The following KDM2B variants were observed in gnomAD, a reference collection of about 807,000 sequenced individuals.
KDM2B encodes the protein lysine demethylase 2B, also known as lysine-specific demethylase 2B.
A neutral mutation model predicts 150.0 loss-of-function variants in KDM2B; 26 were observed. The ratio of observed to expected loss-of-function variants is 0.17; its 90% CI spans 0.13 to 0.24. The LOEUF (loss-of-function observed/expected upper bound fraction) is 0.24. KDM2B is among the 10% of genes least tolerant of loss of function. The probability of loss-of-function intolerance (pLI) is 1.00; values close to 1 mark genes in which losing one functional copy is unlikely to be tolerated. For synonymous variants in KDM2B, 734 were observed against 729.5 expected (o/e 1.01, Z -0.10); for missense variants, 1,265 against 1,816.9 (o/e 0.70, Z 5.52).
downstream of KDM2B, among the ~76,000 whole-genome samples, chr12:121,425,769 CT>C (rs111588236): frequency 2.8e-3 from 390 of 141,682 alleles, 1 homozygote; most frequent in Non-Finnish European, 2.7e-3. Flanking sequence ...TTTGTCTAAA[CT>C]TTTTTTTTTT....
At chr12:121,457,463 T>C (rs1555293015) in intron 12 of KDM2B, among the ~76,000 whole-genome samples, 2 of 152,002 alleles carry the variant, frequency 1.3e-5, no homozygotes, top group East Asian at 1.9e-4. Flanking sequence ...CATTTCGTCA[T>C]GTTGGCCAGG....
intron 4 of KDM2B, among the ~76,000 whole-genome samples, chr12:121,551,075 G>C (rs1555311722): frequency 1.3e-5 from 2 of 152,122 alleles, no homozygotes; most frequent in African/African-American, 4.8e-5. Context: ...ACTTAACAGA[G>C]AAAGTTTGCT....
chr12:121,432,352 A>G (rs1555285774), intron 22 of KDM2B, among the ~76,000 whole-genome samples: 1 of 152,202 alleles, frequency 6.6e-6, no homozygotes, highest in Non-Finnish European at 1.5e-5. Context: ...CCAAAACTCA[A>G]TACTTGATTC....
intron 6 of KDM2B, among the ~76,000 whole-genome samples, chr12:121,542,460 C>A (rs1555309915): frequency 6.6e-6 from 1 of 152,242 alleles, no homozygotes; most frequent in African/African-American, 2.4e-5. Context: ...CTAACACAAG[C>A]TTATAAGAGA....
intron 4 of KDM2B, among the ~76,000 whole-genome samples, chr12:121,565,273 C>A (rs549654856): frequency 6.6e-6 from 1 of 152,174 alleles, no homozygotes; most frequent in African/African-American, 2.4e-5. Context: ...ATGGAGTCAC[C>A]TCATTTATGA....
At chr12:121,546,296 C>G (rs951683553) in intron 6 of KDM2B, among the ~76,000 whole-genome samples, 15 of 151,520 alleles carry the variant, frequency 9.9e-5, no homozygotes, top group Non-Finnish European at 1.8e-4. Context: ...TCATCTGCCT[C>G]TAACTAATAA....
the KDM2B span, among the ~76,000 whole-genome samples, chr12:121,410,493 C>T: frequency 1.3e-5 from 2 of 150,862 alleles, no homozygotes; most frequent in Non-Finnish European, 2.9e-5. Context: ...GCCGAGATTG[C>T]GCCACTGCAT....
intron 12 of KDM2B, among the ~76,000 whole-genome samples, chr12:121,461,221 CAA>C (rs1289642550): frequency 3.3e-5 from 5 of 152,086 alleles, no homozygotes; most frequent in African/African-American, 1.2e-4. Context: ...GAAGGAAGAA[CAA>C]GAGAGAGATG....
chr12:121,451,331 T>C (rs528221121), intron 13 of KDM2B, among the ~76,000 whole-genome samples: 5 of 152,328 alleles, frequency 3.3e-5, no homozygotes, highest in South Asian at 4.1e-4. Flanking sequence ...ATAATACATA[T>C]AAGATATGTG....
chr12:121,561,507 T>C (rs1890337232), intron 4 of KDM2B, among the ~76,000 whole-genome samples: 1 of 152,176 alleles, frequency 6.6e-6, no homozygotes, highest in African/African-American at 2.4e-5. Context: ...GTGCTGGGGT[T>C]ACAGGGGTGC....
intron 4 of KDM2B, among the ~76,000 whole-genome samples, chr12:121,555,318 A>T (rs2142141657): frequency 6.6e-6 from 1 of 152,332 alleles, no homozygotes; most frequent in African/African-American, 2.4e-5. Flanking sequence ...TGAAAATGTT[A>T]TTTATTTTGC....
Position 121,534,492 on chromosome 12 carries a change from C to T in KDM2B, c.777+5G>A. ...CATAGAAAGTTAAAGGCAACTGAAA[C>T]TCACCTTCCCACCCCGGAAAACATG... On this transcript the variant is annotated splice_donor_5th_base_variant and intron_variant, in intron 7 of 22. Transcript: ENST00000377071. 1 of 1,611,602 alleles carries T rather than the reference C, an allele frequency of 6.2e-7. No homozygotes were observed. The highest frequency in any genetic ancestry group is 1.7e-5 in the Admixed American group (1 of 60,004).
At chr12:121,576,443 G>T (rs1419806984) in intron 2 of KDM2B, among the ~76,000 whole-genome samples, 2 of 152,148 alleles carry the variant, frequency 1.3e-5, no homozygotes, top group African/African-American at 4.8e-5. Flanking sequence ...TAGGGAACTG[G>T]GCACAGCTTT....
At chr12:121,482,153 T>A (rs1018591507) in intron 12 of KDM2B, among the ~76,000 whole-genome samples, 1 of 152,084 alleles carries the variant, frequency 6.6e-6, no homozygotes, top group South Asian at 2.1e-4. Context: ...GCCACTGACT[T>A]TAATTACAGG....
chr12:121,539,411 G>A (rs1382752738), intron 6 of KDM2B, among the ~76,000 whole-genome samples: 10 of 150,584 alleles, frequency 6.6e-5, no homozygotes, highest in Admixed American at 2.0e-4. Flanking sequence ...CCTGATGGCC[G>A]GACCAGGCTA....
chr12:121,445,241 C>T lies in KDM2B; in HGVS notation c.2103+34G>A, dbSNP rs372773538. ...TCCAGCAACCCTACCTGCCCCAGAG[C>T]GTCAGCACCACCTGTCCCCACTGGG... On this transcript the variant is annotated intron_variant, in intron 14 of 22. Coordinates refer to ENST00000377071, the MANE Select transcript of KDM2B (RefSeq NM_032590.5). 80 of 1,604,344 alleles carry T rather than the reference C, an allele frequency of 5.0e-5. No homozygotes were observed. In the East Asian group the frequency reaches 1.4e-3, roughly 28 times the overall value.
chr12:121,432,172 G>A (rs1260387565), intron 22 of KDM2B, among the ~76,000 whole-genome samples: 4 of 152,146 alleles, frequency 2.6e-5, no homozygotes, highest in African/African-American at 4.8e-5. Context: ...GTGAGCCACC[G>A]TGCCCGGCAA....
chr12:121,459,443 G>GTAAA (rs782636357), intron 12 of KDM2B, among the ~76,000 whole-genome samples: 124 of 151,766 alleles, frequency 8.2e-4, no homozygotes, highest in Non-Finnish European at 1.3e-3. Flanking sequence ...AAACACAAGT[G>GTAAA]TAAATCTTTA....
intron 12 of KDM2B, among the ~76,000 whole-genome samples, chr12:121,457,753 C>G (rs1164938255): frequency 6.7e-6 from 1 of 148,920 alleles, no homozygotes; most frequent in African/African-American, 2.5e-5. Context: ...CACACACACA[C>G]ACACACACAC....
Sources: gnomAD v4.1 joint callset for allele counts (sites outside exome capture counted in the v4.1 genomes callset) on GRCh38, gnomAD v4.1.1 for gene constraint, MANE v1.5 for transcripts, NCBI Gene and HGNC (gene_info 2026-07-23, HGNC 2026-07-21) for gene names.